TSPAN7: variants seen among roughly 807,000 people sequenced by gnomAD.
TSPAN7 encodes the protein tetraspanin-7.
Under a neutral mutation model 17.6 loss-of-function variants are expected in TSPAN7, and 1 was observed. The ratio of observed to expected loss-of-function variants is 0.06; its 90% CI spans 0.02 to 0.27. The LOEUF is 0.27. Ranked by LOEUF, TSPAN7 falls within the 10% of genes least tolerant of loss-of-function variation. The pLI, the probability that TSPAN7 is intolerant of heterozygous loss-of-function variation, is 1.00. For missense variants in TSPAN7, 112 were observed against 201.7 expected (o/e 0.56, Z 2.69); for synonymous variants, 78 against 79.0 (o/e 0.99, Z 0.07).
chrX:38,599,981 G>C (rs1273726327), intron 1 of TSPAN7, among the ~76,000 whole-genome samples: 1 of 111,558 alleles, frequency 9.0e-6, no homozygotes, highest in Non-Finnish European at 1.9e-5. Flanking sequence ...TATTTTGGTG[G>C]CAGCATTTTC....
At chrX:38,685,018 C>T (rs1037889035) in intron 6 of TSPAN7, among the ~76,000 whole-genome samples, 1 of 111,667 alleles carries the variant, frequency 9.0e-6, no homozygotes, top group African/African-American at 3.3e-5. Context: ...AACACAGACC[C>T]TATTACTACC....
intron 1 of TSPAN7, among the ~76,000 whole-genome samples, chrX:38,573,011 T>C (rs1008948959): frequency 8.9e-6 from 1 of 111,754 alleles, no homozygotes; most frequent in Non-Finnish European, 1.9e-5. Flanking sequence ...GTTTCCTCTT[T>C]AGAATTGAGG....
chrX:38,684,555 C>T (rs1011627541), intron 6 of TSPAN7, among the ~76,000 whole-genome samples: 6 of 111,379 alleles, frequency 5.4e-5, no homozygotes, highest in African/African-American at 6.5e-5. Context: ...AAGACAAGAG[C>T]CATGGGATGT....
intron 1 of TSPAN7, among the ~76,000 whole-genome samples, chrX:38,642,143 C>T (rs990904886): frequency 3.6e-5 from 4 of 111,615 alleles, no homozygotes; most frequent in Non-Finnish European, 7.5e-5. Context: ...ACCCTGTCTG[C>T]AGTGGTTCCC....
intron 6 of TSPAN7, among the ~76,000 whole-genome samples, chrX:38,683,276 C>T (rs1294628946): frequency 1.8e-5 from 2 of 112,529 alleles, no homozygotes; most frequent in Admixed American, 1.9e-4. Flanking sequence ...TAATACCTCT[C>T]TTCCACTCTT....
At chrX:38,577,170 GA>G (rs1204290749) in intron 1 of TSPAN7, among the ~76,000 whole-genome samples, 4 of 111,782 alleles carry the variant, frequency 3.6e-5, no homozygotes, top group Non-Finnish European at 7.5e-5. Flanking sequence ...GCAGACCTTA[GA>G]AAAAGCGGGT....
rs1602129238 is a variant in TSPAN7 at position 38,688,551 on chromosome X, T to A, written c.*620T>A. 8.9e-6 allele frequency: 1 copy of A among 112,910 alleles called. No individual in the cohort carries two copies. The highest frequency in any genetic ancestry group is 3.2e-5 in the African/African-American group (1 of 31,005). The allele number at this position is 112,910 out of a possible 1,213,427, so 9.3% of individuals were successfully genotyped here. A position where few individuals can be genotyped will look rare whatever the true frequency, so the allele number is the denominator to read the frequency against. ...GAAGGAAACTGAACTTGAGGTGGCC[T>A]CCTTGCTTGTTACATACCTGGGTAT... On this transcript the variant is annotated 3_prime_UTR_variant, in exon 8 of 8. Coordinates refer to ENST00000378482, the MANE Select transcript of TSPAN7 (RefSeq NM_004615.4).
intron 1 of TSPAN7, among the ~76,000 whole-genome samples, chrX:38,571,880 G>T (rs186810424): frequency 9.0e-6 from 1 of 111,523 alleles, no homozygotes; most frequent in African/African-American, 3.3e-5. Flanking sequence ...AAGCTGAATT[G>T]AGGAGAGTAT....
chrX:38,588,966 C>A (rs1215358210), intron 1 of TSPAN7, among the ~76,000 whole-genome samples: 1 of 112,060 alleles, frequency 8.9e-6, no homozygotes, highest in Admixed American at 9.5e-5. Flanking sequence ...CTCTACTCTT[C>A]TTCACTGCGT....
At chrX:38,670,173 T>C (rs1443695350) in intron 2 of TSPAN7, among the ~76,000 whole-genome samples, 1 of 112,104 alleles carries the variant, frequency 8.9e-6, no homozygotes, top group Non-Finnish European at 1.9e-5. Flanking sequence ...ATGTGTATAC[T>C]TTACAGGTAA....
chrX:38,633,782 A>G lies in TSPAN7; in HGVS notation c.82-32339A>G, dbSNP rs1045706474. On this transcript the variant is annotated intron_variant, in intron 1 of 7. Transcript: ENST00000378482. ...GTTTACATTTGCAAGTCCTTTGTCA[A>G]TTTGAATAAAGTAGACCATAAAAGG... Among the ~76,000 whole-genome samples, 12 of 112,352 alleles carry G rather than the reference A, an allele frequency of 1.1e-4. No homozygotes were observed. The East Asian group carries it at 3.0e-3, about 28-fold the overall frequency.
chrX:38,666,090 A>G, intron 1 of TSPAN7, 31 bp from the exon 2 acceptor site: 1 of 1,206,356 alleles, frequency 8.3e-7, no homozygotes, highest in Non-Finnish European at 1.1e-6. Context: ...TCTCTTGGCA[A>G]TAGCTTCACA....
intron 1 of TSPAN7, among the ~76,000 whole-genome samples, chrX:38,586,149 A>G (rs1023500330): frequency 6.2e-5 from 7 of 112,350 alleles, no homozygotes; most frequent in Admixed American, 2.8e-4. Context: ...AGTCCTAAAA[A>G]TGCCCAGTGA....
chrX:38,624,854 G>A (rs778031437), intron 1 of TSPAN7, among the ~76,000 whole-genome samples: 31 of 112,461 alleles, frequency 2.8e-4, no homozygotes, highest in African/African-American at 8.4e-4. Context: ...GTTGGTTTGG[G>A]GTGTGTCCCA....
chrX:38,605,229 A>G (rs1428925908), intron 1 of TSPAN7, among the ~76,000 whole-genome samples: 13 of 111,153 alleles, frequency 1.2e-4, no homozygotes. Flanking sequence ...ATACAAAATC[A>G]ATGTGCAAAA....
intron 5 of TSPAN7, among the ~76,000 whole-genome samples, chrX:38,677,876 C>T (rs897247785): frequency 8.9e-6 from 1 of 112,059 alleles, no homozygotes; most frequent in Non-Finnish European, 1.9e-5. Flanking sequence ...TACCCTTCCT[C>T]CCAGTGACTC....
At chrX:38,598,606 A>G (rs988597092) in intron 1 of TSPAN7, among the ~76,000 whole-genome samples, 1 of 111,142 alleles carries the variant, frequency 9.0e-6, no homozygotes, top group Non-Finnish European at 1.9e-5. Flanking sequence ...TGGTGTCACT[A>G]ATGCCTTATA....
intron 6 of TSPAN7, among the ~76,000 whole-genome samples, chrX:38,682,049 C>A (rs1291005699): frequency 8.9e-6 from 1 of 112,439 alleles, no homozygotes; most frequent in Non-Finnish European, 1.9e-5. Flanking sequence ...GTAGAAGAAT[C>A]AACATGTATA....
rs998989484 is a variant in TSPAN7 at position 38,595,767 on chromosome X, G to C, written c.81+34140G>C. Among the ~76,000 whole-genome samples the C allele has an allele frequency of 2.7e-5, 3 of 112,022 alleles. No homozygotes were observed. In the South Asian group the frequency reaches 1.1e-3, roughly 42 times the overall value. On this transcript the variant is annotated intron_variant, in intron 1 of 7. Transcript: ENST00000378482. ...TAAATTATTAAACACAAACTATCAA[G>C]TTGGAATCAGTGGCCTGAAAGAATC...
Sources: gnomAD v4.1 joint callset for allele counts (sites outside exome capture counted in the v4.1 genomes callset) on GRCh38, gnomAD v4.1.1 for gene constraint, MANE v1.5 for transcripts, NCBI Gene and HGNC (gene_info 2026-07-23, HGNC 2026-07-21) for gene names.